Variants in FBXL2 observed in about 807,000 individuals in gnomAD.
The protein encoded by FBXL2 is F-box/LRR-repeat protein 2.
Under a neutral mutation model 69.2 loss-of-function variants are expected in FBXL2, and 38 were observed. That is an observed-to-expected ratio of 0.55 (90% CI 0.42 to 0.72). FBXL2 has a LOEUF of 0.72. Ranked by LOEUF, FBXL2 falls within the 30% of genes least tolerant of loss-of-function variation. The pLI, the probability that FBXL2 is intolerant of heterozygous loss-of-function variation, is 0.00. For missense variants in FBXL2, 354 were observed against 520.3 expected, an observed-to-expected ratio of 0.68 and a Z score of 3.11; for synonymous variants, 192 against 201.3, an observed-to-expected ratio of 0.95 and a Z score of 0.39.
At position 33,386,176 on chromosome 3, in the gene FBXL2, G is replaced by C. The variant is rs551248642; in HGVS notation, c.*568G>C. 4.4e-5 allele frequency: 7 copies of C among 158,712 alleles called. No homozygotes were observed. The highest frequency in any genetic ancestry group is 1.7e-4 in the African/African-American group (7 of 41,554). 9.8% of individuals were successfully genotyped at this position (158,712 alleles called of 1,614,324 possible). A position where few individuals can be genotyped will look rare whatever the true frequency, so the allele number is the denominator to read the frequency against. ...AAGGCATGTTAATAGGTTTCCATGAGACACCAAAGAAAAGAGGACTCTATA... is the reference window on the plus strand; with the variant it reads ...AAGGCATGTTAATAGGTTTCCATGACACACCAAAGAAAAGAGGACTCTATA... On this transcript the variant is annotated 3_prime_UTR_variant, in exon 15 of 15. Transcript: ENST00000484457.
intron 2 of FBXL2, among the ~76,000 whole-genome samples, chr3:33,306,325 T>C (rs1270628847): frequency 6.6e-6 from 1 of 152,074 alleles, no homozygotes; most frequent in Admixed American, 6.6e-5. Flanking sequence ...GAAACAAATA[T>C]CCTTGTAGAC....
chr3:33,279,363 C>T lies in FBXL2; in HGVS notation c.3+1848C>T, dbSNP rs543820968. Among the ~76,000 whole-genome samples the T allele has an allele frequency of 2.4e-4, 37 of 152,146 alleles. No homozygotes were observed. The South Asian group carries it at 6.9e-3, about 28-fold the overall frequency. On this transcript the variant is annotated intron_variant, in intron 1 of 14. Transcript: ENST00000484457. ...TCGGCTCACTGCAAGCTCCGCCTCC[C>T]GGGTACACGCCATTCTCCTGCCTCA...
chr3:33,332,623 A>G (rs867580204), intron 2 of FBXL2, among the ~76,000 whole-genome samples: 2 of 152,248 alleles, frequency 1.3e-5, no homozygotes, highest in Admixed American at 6.5e-5. Flanking sequence ...GTGATTTTGC[A>G]GTTGTGTGAA....
At chr3:33,393,551 A>C in intron 12 of FBXL2, 3 of 1,166,342 alleles carry the variant, frequency 2.6e-6, no homozygotes, top group Non-Finnish European at 3.4e-6. Context: ...CACACCTTTC[A>C]AAGTACCAAA....
At chr3:33,320,497 TTTTA>T (rs911955549) in intron 2 of FBXL2, among the ~76,000 whole-genome samples, 2 of 152,076 alleles carry the variant, frequency 1.3e-5, no homozygotes, top group African/African-American at 4.8e-5. Flanking sequence ...TTTTTTTTTT[TTTTA>T]GACGGAGTCT....
chr3:33,391,514 C>T (rs1346449316), downstream of FBXL2: 1 of 152,218 alleles, frequency 6.6e-6, no homozygotes. Flanking sequence ...CTTCTCTGAG[C>T]CCCAGACTGG....
the FBXL2 span, among the ~76,000 whole-genome samples, chr3:33,419,852 A>G: frequency 6.6e-6 from 1 of 152,236 alleles, no homozygotes; most frequent in African/African-American, 2.4e-5. Context: ...AGAAGGATCC[A>G]GTATTAATGA....
intron 9 of FBXL2, 28 bp from the exon 10 acceptor site, chr3:33,375,260 C>T: frequency 6.2e-7 from 1 of 1,604,234 alleles, no homozygotes. Flanking sequence ...TGTCCTCTGA[C>T]TTTTCTTTCT....
chr3:33,385,825 AC>A lies in FBXL2; in HGVS notation c.*218del. 1 of 567,192 alleles carries A rather than the reference AC, an allele frequency of 1.8e-6. No individual in the cohort carries two copies. Among genetic ancestry groups the A allele is most frequent in the East Asian group, 3.0e-5 (1 of 33,216 alleles). The allele number at this position is 567,192 out of a possible 1,614,324, so 35.1% of individuals were successfully genotyped here. On this transcript the variant is annotated 3_prime_UTR_variant, in exon 15 of 15. Coordinates refer to ENST00000484457, the MANE Select transcript of FBXL2 (RefSeq NM_012157.5). ...AAATCAAAGCCTTGTGTCAGTTAAC[AC>A]ATGACAAGTGGTCTCAATGCAGCTA...
In FBXL2 at chr3:33,280,499, C is replaced by T. The variant is rs182418539; in HGVS notation, c.3+2984C>T. ...TGAGATGGGAGGACTGCTTCAGTCC[C>T]GGAGTTCAAGACCAGTCTGGGCAAC... is the stretch of plus-strand genomic sequence containing the variant. On this transcript the variant is annotated intron_variant, in intron 1 of 14. Transcript: ENST00000484457. 8.5e-3 allele frequency among the ~76,000 whole-genome samples: 1,298 copies of T among 152,058 alleles called. 17 individuals are homozygous for T. Among genetic ancestry groups the T allele is most frequent in the Non-Finnish European group, 0.011 (770 of 67,968 alleles).
intron 9 of FBXL2, 73 bp from the exon 10 acceptor site, chr3:33,375,215 A>T (rs1033887032): frequency 5.9e-5 from 93 of 1,573,230 alleles, no homozygotes; most frequent in Admixed American, 1.7e-4. Flanking sequence ...ACAACAGCAG[A>T]TACTTTTCTG....
At chr3:33,353,614 C>A (rs1340314230) in intron 2 of FBXL2, among the ~76,000 whole-genome samples, 1 of 152,194 alleles carries the variant, frequency 6.6e-6, no homozygotes, top group African/African-American at 2.4e-5. Flanking sequence ...TGGGGCTGGG[C>A]ACAGTGGCTC....
chr3:33,358,671 C>A (rs1235080634), intron 2 of FBXL2, among the ~76,000 whole-genome samples: 7 of 152,194 alleles, frequency 4.6e-5, no homozygotes, highest in African/African-American at 1.7e-4. Flanking sequence ...GAGAGTTGGT[C>A]TTCAAATAGA....
chr3:33,283,058 G>A (rs2034207405), intron 1 of FBXL2, among the ~76,000 whole-genome samples: 2 of 152,030 alleles, frequency 1.3e-5, no homozygotes, highest in South Asian at 4.1e-4. Flanking sequence ...CTGCCTGATT[G>A]CCCTGGCCAG....
At chr3:33,400,386 A>C in intron 12 of FBXL2, 1 of 818,326 alleles carries the variant, frequency 1.2e-6, no homozygotes, top group South Asian at 1.9e-5. Flanking sequence ...AACACCCAAA[A>C]AGAGCATGAG....
At chr3:33,293,466 TTTTGGGAA>T (rs1346670011) in intron 1 of FBXL2, among the ~76,000 whole-genome samples, 3 of 152,208 alleles carry the variant, frequency 2.0e-5, no homozygotes, top group Non-Finnish European at 4.4e-5. Flanking sequence ...TATAAGACTC[TTTTGGGAA>T]ATTAGATTTG....
At position 33,313,683 on chromosome 3, in the gene FBXL2, A is replaced by G. The variant is rs917310462; in HGVS notation, c.65+15958A>G. ...GGCTGGTCTCAAACTCCTGGCCTCA[A>G]GCCATCCTCCTGCCTTACCTCCTGA... On this transcript the variant is annotated intron_variant, in intron 2 of 14. Coordinates refer to ENST00000484457, the MANE Select transcript of FBXL2 (RefSeq NM_012157.5). Among the ~76,000 whole-genome samples the G allele has an allele frequency of 3.3e-5, 5 of 151,494 alleles. No homozygotes were observed. In the East Asian group the frequency reaches 7.8e-4, roughly 24 times the overall value.
At chr3:33,380,223 CAAAA>C (rs71632598) in intron 13 of FBXL2, among the ~76,000 whole-genome samples, 2 of 69,228 alleles carry the variant, frequency 2.9e-5, no homozygotes, top group Admixed American at 1.6e-4. Context: ...GACTCTGTCT[CAAAA>C]AAAAAAAAAA....
intron 5 of FBXL2, among the ~76,000 whole-genome samples, chr3:33,365,063 G>A (rs201268656): frequency 3.3e-5 from 5 of 151,782 alleles, no homozygotes; most frequent in Admixed American, 6.6e-5. Context: ...TCTTCACTTC[G>A]GCATCTTCCT....
Sources: allele counts gnomAD v4.1 joint callset (sites outside exome capture counted in the v4.1 genomes callset), GRCh38; gene constraint gnomAD v4.1.1; transcripts MANE v1.5; gene names NCBI Gene and HGNC (gene_info 2026-07-23, HGNC 2026-07-21).